Variants in ESYT3 observed in about 807,000 individuals in gnomAD.
ESYT3 encodes extended synaptotagmin-3.
In ESYT3, 101 loss-of-function variants were observed where a neutral mutation model predicts 111.5. The observed-to-expected ratio is 0.91, with a 90% CI of 0.77 to 1.07. ESYT3 has a LOEUF of 1.07. Among genes scored for constraint, ESYT3 ranks in the 50% least tolerant of loss-of-function variants. The probability of loss-of-function intolerance (pLI) is 0.00; values close to 1 mark genes in which losing one functional copy is unlikely to be tolerated. For missense variants in ESYT3, 1,097 were observed against 1,109.4 expected (o/e 0.99, Z 0.16); for synonymous variants, 416 against 446.8 (o/e 0.93, Z 0.87).
At chr3:138,460,780 A>C in intron 7 of ESYT3, 114 bp downstream of exon 7, 1 of 1,141,544 alleles carries the variant, frequency 8.8e-7, no homozygotes, top group East Asian at 2.4e-5. Flanking sequence ...TGCTCTCTGC[A>C]GAGGGAGAAG....
chr3:138,435,038 T>C lies in ESYT3; in HGVS notation c.240T>C (p.Leu80=), dbSNP rs767634206. 4 of 1,586,148 alleles carry C rather than the reference T, an allele frequency of 2.5e-6. No homozygotes were observed. Among genetic ancestry groups the C allele is most frequent in the Admixed American group, 1.8e-5 (1 of 54,748 alleles). ...GGCGCAGGAACCGCCGCGGGAAGCTTGGGCGCCTGGCCGCCGCCTTCGAAT... is the reference window on the plus strand; with the variant it reads ...GGCGCAGGAACCGCCGCGGGAAGCTCGGGCGCCTGGCCGCCGCCTTCGAAT... The part of the protein sequence containing the change: ...MWWRRNRRGK[L]GRLAAAFEFL... Residue 80 remains leucine (L), a synonymous_variant, in exon 1 of 23, where the codon CTT becomes CTC. Coordinates refer to ENST00000389567, the MANE Select transcript of ESYT3 (RefSeq NM_031913.5). The surrounding 1 kb of genome is among the most constrained non-coding windows in gnomAD (Gnocchi z 4.8).
chr3:138,457,754 C>T (rs988799182), intron 4 of ESYT3, 110 bp downstream of exon 4: 4 of 1,009,998 alleles, frequency 4.0e-6, no homozygotes, highest in Middle Eastern at 2.6e-4. Context: ...ATGTGGAACC[C>T]CTCACAGGAC....
rs1309331224 is a variant in ESYT3 at position 138,469,470 on chromosome 3, A to G, written c.1469A>G (p.Lys490Arg). The G allele has an allele frequency of 6.2e-7, 1 of 1,614,090 alleles. No homozygotes were observed. The highest frequency in any genetic ancestry group is 8.5e-7 in the Non-Finnish European group (1 of 1,179,994). ...AGCAAAGACCCTTCTTCCTATGTCA[A>G]ACTATCTGTAGGCAAGAAGACACAT... ...KVSKDPSSYV[K>R]LSVGKKTHTS... Residue 490 changes from lysine (K) to arginine (R), a missense_variant, in exon 15 of 23, where the codon AAA (lysine) becomes AGA (arginine). Lys to Arg is a conservative substitution (Grantham distance 26). Coordinates refer to ENST00000389567, the MANE Select transcript of ESYT3 (RefSeq NM_031913.5).
At position 138,472,855 on chromosome 3, in the gene ESYT3, A is replaced by G. The variant is rs762159942; in HGVS notation, c.2233A>G (p.Ile745Val). Residue 745 changes from isoleucine (I) to valine (V), a missense_variant, in exon 18 of 23, where the codon ATT becomes GTT. Ile to Val is a conservative substitution (Grantham distance 29). Coordinates refer to ENST00000389567, the MANE Select transcript of ESYT3 (RefSeq NM_031913.5). ...CFDLADISLN[I>V]EGGDLRRRQL... ...TGACCTGGCAGATATCAGCCTCAAC[A>G]TTGAGTATGCACCTCTCTGCTTAAT... 1.2e-5 allele frequency: 19 copies of G among 1,613,744 alleles called. No homozygotes were observed. Among genetic ancestry groups the G allele is most frequent in the Admixed American group, 1.7e-5 (1 of 60,008 alleles).
At chr3:138,455,170 A>G in intron 2 of ESYT3, 24 bp from the exon 3 acceptor site, 2 of 1,613,816 alleles carry the variant, frequency 1.2e-6, no homozygotes, top group East Asian at 4.5e-5. Context: ...CCTGACTACC[A>G]AGAGCCTCTT....
chr3:138,481,373 C>CT (rs199778667), downstream of ESYT3: 250 of 147,250 alleles, frequency 1.7e-3, no homozygotes, highest in African/African-American at 3.0e-3. Context: ...GAGATCCCAT[C>CT]TTTTTTTTTT....
At chr3:138,476,408 T>C (rs1250566208) in intron 21 of ESYT3, 35 bp from the exon 22 acceptor site, 1 of 1,610,748 alleles carries the variant, frequency 6.2e-7, no homozygotes, top group African/African-American at 1.3e-5. Flanking sequence ...TAATGCAGTG[T>C]TTTGGAGGGG....
In ESYT3 at chr3:138,476,936, A is replaced by G. The variant is rs1372256542; in HGVS notation, c.*82A>G. On this transcript the variant is annotated 3_prime_UTR_variant, in exon 23 of 23. Coordinates refer to ENST00000389567, the MANE Select transcript of ESYT3 (RefSeq NM_031913.5). ...TTTTCCTTTGGATCACTTACATCCA[A>G]TATATGTATATTTTGTCATTTAAAT... is the stretch of plus-strand genomic sequence containing the variant. 4.8e-6 allele frequency: 5 copies of G among 1,040,100 alleles called. No homozygotes were observed. The highest frequency in any genetic ancestry group is 5.4e-5 in the East Asian group (2 of 37,126). 64.4% of individuals were successfully genotyped at this position (1,040,100 alleles called of 1,614,324 possible). A position where few individuals can be genotyped will look rare whatever the true frequency, so the allele number is the denominator to read the frequency against.
rs144539484 is a variant in ESYT3 at position 138,445,564 on chromosome 3, G to T, written c.328-6484G>T. Reference sequence around the variant, plus strand: ...CCTCCTCATTCTCTGTTCTCGCCTTGCAGTGGTGGCCAGAGGCACTAGGAA... The same window carrying T: ...CCTCCTCATTCTCTGTTCTCGCCTTTCAGTGGTGGCCAGAGGCACTAGGAA... On this transcript the variant is annotated intron_variant, in intron 1 of 22. Transcript: ENST00000389567. Among the ~76,000 whole-genome samples, 432 of 152,332 alleles carry T rather than the reference G, an allele frequency of 2.8e-3. 3 individuals carry two copies. The highest frequency in any genetic ancestry group is 0.01 in the African/African-American group (416 of 41,578).
At position 138,476,342 on chromosome 3, in the gene ESYT3, A is replaced by G; in HGVS notation, c.2574+14A>G. 6.2e-7 allele frequency: 1 copy of G among 1,604,240 alleles called. No homozygotes were observed. Among genetic ancestry groups the G allele is most frequent in the East Asian group, 2.2e-5 (1 of 44,822 alleles). ...GAGTTAGGAAAAGTAAGTACAAGAGATATTTGATATACCAAGGAGATTATG... is the reference window on the plus strand; with the variant it reads ...GAGTTAGGAAAAGTAAGTACAAGAGGTATTTGATATACCAAGGAGATTATG... On this transcript the variant is annotated intron_variant, in intron 21 of 22. Transcript: ENST00000389567.
chr3:138,444,135 C>CT (rs1453488335), intron 1 of ESYT3, among the ~76,000 whole-genome samples: 1 of 152,188 alleles, frequency 6.6e-6, no homozygotes, highest in Non-Finnish European at 1.5e-5. Flanking sequence ...CCTCTTCTCT[C>CT]TAAATTCTCA....
At chr3:138,473,318 A>T in intron 18 of ESYT3, 1 of 635,526 alleles carries the variant, frequency 1.6e-6, no homozygotes, top group South Asian at 3.4e-5. Context: ...ACAAAGGCAG[A>T]TTCCACTTCA....
intron 9 of ESYT3, 72 bp downstream of exon 9, chr3:138,464,587 C>CT: frequency 6.6e-7 from 1 of 1,523,100 alleles, no homozygotes; most frequent in Non-Finnish European, 9.1e-7. Flanking sequence ...AGGGGCAACA[C>CT]TAGGCAGGGA....
intron 7 of ESYT3, among the ~76,000 whole-genome samples, chr3:138,461,651 T>C (rs984806363): frequency 1.3e-5 from 2 of 151,936 alleles, no homozygotes; most frequent in African/African-American, 2.4e-5. Flanking sequence ...TATCAGGAGG[T>C]GGAGTCAGGC....
At position 138,462,181 on chromosome 3, in the gene ESYT3, C is replaced by T. The variant is rs775008961; in HGVS notation, c.890C>T (p.Thr297Ile). 2 of 1,614,240 alleles carry T rather than the reference C, an allele frequency of 1.2e-6. No individual in the cohort carries two copies. Among genetic ancestry groups the T allele is most frequent in the South Asian group, 2.2e-5 (2 of 91,084 alleles). ...CCTGTGAAGAAGGGGCTGGATCTGA[C>T]CAACCTGCGCTTCCCTCTGCCCTGT... ...TVPVKKGLDLTNLRFPLPCGV... is the reference protein window; with the variant it reads ...TVPVKKGLDLINLRFPLPCGV... Residue 297 changes from threonine (T) to isoleucine (I), a missense_variant, in exon 8 of 23, where the codon ACC (threonine) becomes ATC (isoleucine). By Grantham distance (89) the Thr-to-Ile change is moderately conservative (BLOSUM62 -1). Coordinates refer to ENST00000389567, the MANE Select transcript of ESYT3 (RefSeq NM_031913.5).
chr3:138,473,359 A>C, intron 18 of ESYT3, 177 bp from the exon 19 acceptor site: 1 of 638,932 alleles, frequency 1.6e-6, no homozygotes, highest in Admixed American at 3.0e-5. Flanking sequence ...ATGAAGTAGG[A>C]TAATTATACA....
chr3:138,446,866 A>G (rs557941325), intron 1 of ESYT3, among the ~76,000 whole-genome samples: 1 of 152,072 alleles, frequency 6.6e-6, no homozygotes, highest in South Asian at 2.1e-4. Context: ...TCTCTACCAA[A>G]ACAAACAAAC....
intron 16 of ESYT3, 57 bp from the exon 17 acceptor site, chr3:138,470,820 G>A (rs775074313): frequency 2.5e-5 from 40 of 1,610,736 alleles, no homozygotes; most frequent in Non-Finnish European, 3.4e-5. Context: ...TCAGATACTA[G>A]TAGTGGAGTG....
intron 1 of ESYT3, among the ~76,000 whole-genome samples, chr3:138,444,554 C>T (rs1428855794): frequency 6.6e-6 from 1 of 152,116 alleles, no homozygotes; most frequent in Non-Finnish European, 1.5e-5. Context: ...AATTAACAGC[C>T]CCACTTATTA....
Sources: allele counts gnomAD v4.1 joint callset (sites outside exome capture counted in the v4.1 genomes callset), GRCh38; gene constraint gnomAD v4.1.1; non-coding constraint Gnocchi (gnomAD v3.1); transcripts MANE v1.5; gene names NCBI Gene and HGNC (gene_info 2026-07-23, HGNC 2026-07-21).